ADGRG2: variants seen among roughly 807,000 people sequenced by gnomAD.
The protein encoded by ADGRG2 is G protein-coupled receptor 64.
ADGRG2 carries 26 observed loss-of-function variants against 74.1 expected under a neutral mutation model. The ratio of observed to expected loss-of-function variants is 0.35; its 90% CI spans 0.26 to 0.49. ADGRG2 has a LOEUF of 0.49. Among genes scored for constraint, ADGRG2 ranks in the 20% least tolerant of loss-of-function variants. The probability of loss-of-function intolerance (pLI) is 0.99; values close to 1 mark genes in which losing one functional copy is unlikely to be tolerated. For missense variants in ADGRG2, 619 were observed against 763.1 expected, an observed-to-expected ratio of 0.81 and a Z score of 2.22; for synonymous variants, 296 against 295.2, an observed-to-expected ratio of 1.00 and a Z score of -0.03.
At chrX:19,010,523 G>T in intron 17 of ADGRG2, 90 bp downstream of exon 17, 1 of 758,372 alleles carries the variant, frequency 1.3e-6, no homozygotes, top group Non-Finnish European at 2.0e-6. Context: ...GTACTTGGGA[G>T]TAAAAGACTT....
chrX:19,103,604 G>A (rs1364388255), intron 1 of ADGRG2, among the ~76,000 whole-genome samples: 2 of 111,625 alleles, frequency 1.8e-5, no homozygotes, highest in Non-Finnish European at 3.8e-5. Context: ...AACAGTAGCA[G>A]TCACCTAGCC....
chrX:19,058,262 T>C (rs2061435376), intron 3 of ADGRG2, among the ~76,000 whole-genome samples: 1 of 111,463 alleles, frequency 9.0e-6, no homozygotes, highest in Admixed American at 9.6e-5. Context: ...CTAGTCATAT[T>C]ATGCAACTCA....
chrX:19,033,742 T>TAA, intron 7 of ADGRG2, 88 bp from the exon 8 acceptor site: 4 of 453,746 alleles, frequency 8.8e-6, no homozygotes, highest in South Asian at 6.5e-5. Context: ...AGTGAAGTGC[T>TAA]AAAAAAAAAG....
intron 1 of ADGRG2, among the ~76,000 whole-genome samples, chrX:19,110,783 G>T (rs1256995032): frequency 1.8e-5 from 2 of 110,186 alleles, no homozygotes; most frequent in Admixed American, 1.9e-4. Context: ...TAGTATAAAA[G>T]ACTAAAATGA....
intron 3 of ADGRG2, among the ~76,000 whole-genome samples, chrX:19,058,131 G>A (rs753666904): frequency 6.2e-5 from 7 of 112,077 alleles, no homozygotes; most frequent in Non-Finnish European, 1.1e-4. Flanking sequence ...GCTCAGAAAT[G>A]TGAAGTCATT....
intron 24 of ADGRG2, among the ~76,000 whole-genome samples, chrX:19,001,470 C>T (rs917736049): frequency 1.2e-4 from 13 of 111,539 alleles, no homozygotes; most frequent in Non-Finnish European, 1.5e-4. Context: ...AATGCCTTTG[C>T]GCTTGTACCT....
intron 11 of ADGRG2, among the ~76,000 whole-genome samples, chrX:19,025,951 T>G (rs979551007): frequency 1.8e-5 from 2 of 112,017 alleles, no homozygotes; most frequent in Non-Finnish European, 3.8e-5. Context: ...TCCAGAGCAT[T>G]GATCTTTTCT....
At chrX:19,096,883 T>C (rs2062105427) in intron 1 of ADGRG2, among the ~76,000 whole-genome samples, 1 of 112,662 alleles carries the variant, frequency 8.9e-6, no homozygotes, top group Non-Finnish European at 1.9e-5. Context: ...TTAGCAGACT[T>C]TGGCTTAGAG....
intron 2 of ADGRG2, among the ~76,000 whole-genome samples, chrX:19,082,072 C>CAAAAAAAAA (rs57534658): frequency 1.1e-3 from 24 of 21,005 alleles, no homozygotes; most frequent in Non-Finnish European, 1.3e-3. Flanking sequence ...GACCCTGTCT[C>CAAAAAAAAA]AAAAAAAAAA....
intron 6 of ADGRG2, among the ~76,000 whole-genome samples, chrX:19,036,832 T>C (rs1187153273): frequency 1.8e-5 from 2 of 111,236 alleles, no homozygotes; most frequent in Non-Finnish European, 3.8e-5. Flanking sequence ...CCACCAACCA[T>C]ATGGTGAGAT....
At chrX:19,034,890 C>CG (rs748015991) in intron 7 of ADGRG2, 6 of 109,356 alleles carry the variant, frequency 5.5e-5, no homozygotes, top group Non-Finnish European at 1.1e-4. Flanking sequence ...GCCAAGAAGG[C>CG]GCCACTGCAC....
In ADGRG2 at chrX:19,023,977, A is replaced by T. The variant is rs754569942; in HGVS notation, c.471-29T>A. The T allele has an allele frequency of 3.9e-5, 42 of 1,075,734 alleles. No individual in the cohort carries two copies. The Middle Eastern group carries it at 7.4e-4, about 19-fold the overall frequency. 88.7% of individuals were successfully genotyped at this position (1,075,734 alleles called of 1,213,427 possible). The stretch of plus-strand genomic sequence containing the variant: ...TAATAAAATGAGAGAAATTGACATT[A>T]AGGAGACCATTAGTGATATTAAATT... On this transcript the variant is annotated intron_variant, in intron 11 of 28. Transcript: ENST00000379869.
intron 1 of ADGRG2, among the ~76,000 whole-genome samples, chrX:19,118,666 G>C (rs2062565132): frequency 8.9e-6 from 1 of 112,270 alleles, no homozygotes; most frequent in Admixed American, 9.5e-5. Flanking sequence ...TGGGAATCCA[G>C]GCACGAGCCA....
rs752770497 is a variant in ADGRG2, at chrX:19,023,097, G to T, written c.548+319C>A. Among the ~76,000 whole-genome samples, 3 of 110,852 alleles carry T rather than the reference G, an allele frequency of 2.7e-5. No homozygotes were observed. The Admixed American group carries it at 2.9e-4, about 11-fold the overall frequency. On this transcript the variant is annotated intron_variant, in intron 13 of 28. Transcript: ENST00000379869. ...CTCTTTTTGTTCTGGCCTTCACCCT[G>T]CCTGGACCACTGGGAGCCATTTCCT...
At chrX:19,024,029 A>T (rs1380351144) in intron 11 of ADGRG2, 81 bp from the exon 12 acceptor site, 1 of 675,075 alleles carries the variant, frequency 1.5e-6, no homozygotes, top group Non-Finnish European at 2.4e-6. Flanking sequence ...TTAGCAATTA[A>T]ATCAAGCACA....
chrX:19,007,943 T>A (rs775813501), intron 19 of ADGRG2, 37 bp downstream of exon 19: 9 of 1,159,270 alleles, frequency 7.8e-6, no homozygotes, highest in Non-Finnish European at 1.0e-5. Context: ...CATCTCCAAA[T>A]AAAGCCCAAG....
chrX:19,108,682 T>C (rs1272983474), intron 1 of ADGRG2, among the ~76,000 whole-genome samples: 2 of 111,251 alleles, frequency 1.8e-5, no homozygotes, highest in South Asian at 3.8e-4. Context: ...GTACCACATA[T>C]AGGAAATTTA....
chrX:18,994,889 T>A lies in ADGRG2; in HGVS notation c.2869+7A>T, dbSNP rs748287841. On this transcript the variant is annotated splice_region_variant and intron_variant, in intron 28 of 28. Transcript: ENST00000379869. ...GCTTGAGAAATACTATATTGAGACA[T>A]ACATACCATTCCCGCTTGCGTGTAC... The A allele has an allele frequency of 8.5e-7, 1 of 1,177,692 alleles. No homozygotes were observed. Among genetic ancestry groups the A allele is most frequent in the Non-Finnish European group, 1.1e-6 (1 of 872,168 alleles).
intron 10 of ADGRG2, among the ~76,000 whole-genome samples, chrX:19,027,688 T>G (rs1010235632): frequency 8.9e-6 from 1 of 112,182 alleles, no homozygotes; most frequent in Non-Finnish European, 1.9e-5. Flanking sequence ...ATTGCTGTAT[T>G]TCTAGCAATG....
Sources: gnomAD v4.1 joint callset for allele counts (sites outside exome capture counted in the v4.1 genomes callset) on GRCh38, gnomAD v4.1.1 for gene constraint, MANE v1.5 for transcripts, NCBI Gene and HGNC (gene_info 2026-07-23, HGNC 2026-07-21) for gene names.